EXOC6: variants seen among roughly 807,000 people sequenced by gnomAD.
EXOC6 encodes the protein exocyst complex component 6.
In EXOC6, 60 loss-of-function variants were observed where a neutral mutation model predicts 112.5. The ratio of observed to expected loss-of-function variants is 0.53; its 90% CI spans 0.43 to 0.66. The LOEUF is 0.66. Ranked by LOEUF, EXOC6 falls within the 30% of genes least tolerant of loss-of-function variation. EXOC6 has a pLI of 0.00. For missense variants in EXOC6, 855 were observed against 957.1 expected, an observed-to-expected ratio of 0.89 and a Z score of 1.41; for synonymous variants, 295 against 308.0, an observed-to-expected ratio of 0.96 and a Z score of 0.44.
intron 19 of EXOC6, among the ~76,000 whole-genome samples, chr10:93,010,783 CTCTT>C (rs1354675365): frequency 6.6e-6 from 1 of 151,332 alleles, no homozygotes; most frequent in African/African-American, 2.4e-5. Flanking sequence ...AAGAGGTTGT[CTCTT>C]TCAGTTGCAA....
intron 18 of EXOC6, among the ~76,000 whole-genome samples, chr10:92,990,828 T>A (rs534069381): frequency 6.6e-6 from 1 of 152,180 alleles, no homozygotes; most frequent in South Asian, 2.1e-4. Context: ...CTGAGTCATT[T>A]TTTCCCCCAT....
Position 93,058,549 on chromosome 10 carries a change from A to T in EXOC6, c.*194A>T, listed in dbSNP as rs1846650759. Reference sequence around the variant, plus strand: ...TAAATAATCGAATACTATTTTATATATGGAAAAAAATGACCATTTTTTCAC... The same window carrying T: ...TAAATAATCGAATACTATTTTATATTTGGAAAAAAATGACCATTTTTTCAC... On this transcript the variant is annotated 3_prime_UTR_variant, in exon 22 of 22. Transcript: ENST00000260762. The T allele has an allele frequency of 7.5e-6, 3 of 401,654 alleles. No homozygotes were observed. Among genetic ancestry groups the T allele is most frequent in the Non-Finnish European group, 1.3e-5 (3 of 237,002 alleles). The allele number at this position is 401,654 out of a possible 1,614,324, so 24.9% of individuals were successfully genotyped here. A position where few individuals can be genotyped will look rare whatever the true frequency, so the allele number is the denominator to read the frequency against.
chr10:93,001,777 C>A (rs533441914), intron 19 of EXOC6, among the ~76,000 whole-genome samples: 1 of 152,292 alleles, frequency 6.6e-6, no homozygotes, highest in South Asian at 2.1e-4. Flanking sequence ...CAGGAAAAAA[C>A]AAATCCTTAT....
intron 8 of EXOC6, among the ~76,000 whole-genome samples, chr10:92,925,298 A>G (rs1319616578): frequency 6.6e-6 from 1 of 151,680 alleles, no homozygotes; most frequent in Non-Finnish European, 1.5e-5. Context: ...TAATTCCATA[A>G]ATTTTTTTTT....
intron 20 of EXOC6, among the ~76,000 whole-genome samples, chr10:93,050,772 A>AAAAAAAAAAAAAC: frequency 6.8e-6 from 1 of 146,688 alleles, no homozygotes; most frequent in African/African-American, 2.5e-5. Context: ...AAAAAAAAAA[A>AAAAAAAAAAAAAC]AAAAAAAAAG....
chr10:92,863,896 C>T (rs1032793062), intron 1 of EXOC6, among the ~76,000 whole-genome samples: 4 of 137,094 alleles, frequency 2.9e-5, no homozygotes, highest in South Asian at 4.5e-4. Flanking sequence ...GCCTGGGCGA[C>T]GGAGCGAGAC....
intron 20 of EXOC6, among the ~76,000 whole-genome samples, chr10:93,041,849 C>T (rs1202847214): frequency 6.6e-6 from 1 of 152,120 alleles, no homozygotes; most frequent in East Asian, 1.9e-4. Context: ...GTAGCTGGGA[C>T]TACAGGCACA....
chr10:93,006,196 G>GAA (rs71932344), intron 19 of EXOC6, among the ~76,000 whole-genome samples: 8 of 139,646 alleles, frequency 5.7e-5, no homozygotes, highest in African/African-American at 1.8e-4. Flanking sequence ...AGCCAAAAAA[G>GAA]AAAAAAAAAA....
intron 1 of EXOC6, among the ~76,000 whole-genome samples, chr10:92,885,382 CTTTT>C (rs869229626): frequency 7.0e-6 from 1 of 142,300 alleles, no homozygotes; most frequent in Non-Finnish European, 1.5e-5. Context: ...AAAGTCAGCT[CTTTT>C]TTTTTTTTTT....
intron 20 of EXOC6, among the ~76,000 whole-genome samples, chr10:93,030,725 C>T (rs375050808): frequency 1.3e-5 from 2 of 152,136 alleles, no homozygotes; most frequent in African/African-American, 2.4e-5. Flanking sequence ...TTACTTTTTT[C>T]TCTTACTAAT....
chr10:92,889,199 A>G (rs1173062179), intron 1 of EXOC6, among the ~76,000 whole-genome samples: 1 of 152,182 alleles, frequency 6.6e-6, no homozygotes, highest in Non-Finnish European at 1.5e-5. Context: ...TGTATACTAT[A>G]CTAGTCATTA....
intron 1 of EXOC6, among the ~76,000 whole-genome samples, chr10:92,886,731 A>G (rs1444255687): frequency 6.6e-6 from 1 of 152,236 alleles, no homozygotes; most frequent in Non-Finnish European, 1.5e-5. Flanking sequence ...AGCTGTAATG[A>G]TTAACATAGT....
intron 20 of EXOC6, among the ~76,000 whole-genome samples, chr10:93,049,350 C>G (rs61863087): frequency 0.13 from 19,662 of 152,074 alleles, 1,417 homozygotes; most frequent in African/African-American, 0.18. Context: ...CGTGAGCCAC[C>G]GTGCCCGGCC....
intron 20 of EXOC6, among the ~76,000 whole-genome samples, chr10:93,046,032 A>G (rs780846511): frequency 3.9e-5 from 6 of 152,248 alleles, no homozygotes; most frequent in Non-Finnish European, 8.8e-5. Context: ...GTAAATGATA[A>G]CATAGCCCTA....
intron 1 of EXOC6, among the ~76,000 whole-genome samples, chr10:92,891,368 C>G (rs1460430321): frequency 6.6e-6 from 1 of 152,178 alleles, no homozygotes; most frequent in East Asian, 1.9e-4. Flanking sequence ...TGTCCAAGAT[C>G]AGAGCCTAGT....
intron 4 of EXOC6, 34 bp downstream of exon 4, chr10:92,895,054 C>A: frequency 7.7e-7 from 1 of 1,301,432 alleles, no homozygotes; most frequent in African/African-American, 1.5e-5. Context: ...AAACGTTTGG[C>A]TTGGTAAAGT....
chr10:92,985,708 C>G (rs1489292574), intron 18 of EXOC6, among the ~76,000 whole-genome samples: 3 of 152,076 alleles, frequency 2.0e-5, no homozygotes, highest in Non-Finnish European at 2.9e-5. Flanking sequence ...ACCTCATGTC[C>G]TCTTTTAGCT....
intron 1 of EXOC6, among the ~76,000 whole-genome samples, chr10:92,863,097 CTAAT>C (rs1847986550): frequency 1.3e-5 from 2 of 152,134 alleles, no homozygotes; most frequent in Non-Finnish European, 2.9e-5. Flanking sequence ...ACAGCTATGG[CTAAT>C]TAATCAGTGT....
chr10:92,919,997 G>A lies in EXOC6; in HGVS notation c.835G>A (p.Asp279Asn). The change falls in exon 8 of 22, where the codon GAT (aspartate) becomes AAT (asparagine). Residue 279 changes from aspartate (D) to asparagine (N), a missense_variant. Asp to Asn is a conservative substitution (Grantham distance 23, BLOSUM62 1). Coordinates refer to ENST00000260762, the MANE Select transcript of EXOC6 (RefSeq NM_019053.6). ...ENEEEILTVQ[D>N]LVDFSPVYRC... ...TAATTTTCAGATCTTAACTGTTCAG[G>A]ATCTTGTTGATTTTTCCCCTGTTTA... The A allele has an allele frequency of 6.2e-7, 1 of 1,605,114 alleles. No homozygotes were observed. Among genetic ancestry groups the A allele is most frequent in the Non-Finnish European group, 8.5e-7 (1 of 1,175,322 alleles).
Sources: gnomAD v4.1 joint callset for allele counts (sites outside exome capture counted in the v4.1 genomes callset) on GRCh38, gnomAD v4.1.1 for gene constraint, MANE v1.5 for transcripts, NCBI Gene and HGNC (gene_info 2026-07-23, HGNC 2026-07-21) for gene names.